The following UBE3B variants were observed in gnomAD, a reference collection of about 807,000 sequenced individuals.
UBE3B encodes ubiquitin protein ligase E3B, also known as ubiquitin-protein ligase E3B.
UBE3B carries 80 observed loss-of-function variants against 132.3 expected under a neutral mutation model. The observed-to-expected ratio is 0.60, with a 90% CI of 0.50 to 0.73. UBE3B has a LOEUF of 0.73. Among genes scored for constraint, UBE3B ranks in the 30% least tolerant of loss-of-function variants. The pLI is 0.00. For missense variants in UBE3B, 1,196 were observed against 1,362.5 expected (o/e 0.88, Z 1.92); for synonymous variants, 487 against 520.4 (o/e 0.94, Z 0.87).
chr12:109,489,921 G>A lies in UBE3B; in HGVS notation c.547G>A (p.Glu183Lys). 9.3e-6 allele frequency: 15 copies of A among 1,614,080 alleles called. No individual in the cohort carries two copies. Among genetic ancestry groups the A allele is most frequent in the Non-Finnish European group, 1.3e-5 (15 of 1,179,968 alleles). Residue 183 changes from glutamate (E) to lysine (K), a missense_variant and splice_region_variant, in exon 8 of 28, where the codon GAA becomes AAA. Transcript: ENST00000342494. The stretch of plus-strand genomic sequence containing the variant: ...TTCTCACTGTTTTCTTTCTTTAGGT[G>A]AAAGTCTTCGACCAGCGATGAACCA... ...STWKILRGKG[E>K]SLRPAMNHIC...
At chr12:109,541,438 A>G (rs1030066), downstream of UBE3B, among the ~76,000 whole-genome samples, 13,155 of 152,228 alleles carry the variant, frequency 0.086, 1,337 homozygotes, top group African/African-American at 0.24. Flanking sequence ...GTAGTGAATA[A>G]CAGTTCCTGC....
rs1398512382 is a variant in UBE3B, at chr12:109,521,385, G to A, written c.2254-56G>A. 1.3e-6 allele frequency: 2 copies of A among 1,599,530 alleles called. No homozygotes were observed. The highest frequency in any genetic ancestry group is 1.7e-6 in the Non-Finnish European group (2 of 1,168,824). ...CCAGATTCAAGAAGTGAAGAGCTGG[G>A]CTTGCTCCTTGCAAGGCACTTGACC... On this transcript the variant is annotated intron_variant, in intron 20 of 27. Transcript: ENST00000342494. The surrounding 1 kb of genome is among the most constrained non-coding windows in gnomAD (Gnocchi z 4.2).
intron 27 of UBE3B, chr12:109,533,799 GGGTACC>G (rs967650568): frequency 6.8e-6 from 6 of 887,738 alleles, no homozygotes; most frequent in Non-Finnish European, 1.1e-5. Flanking sequence ...CCTCAGGGAA[GGGTACC>G]TGGAGTGGGG....
At position 109,488,508 on chromosome 12, in the gene UBE3B, G is replaced by T; in HGVS notation, c.448-64G>T. On this transcript the variant is annotated intron_variant, in intron 6 of 27. Transcript: ENST00000342494. ...AGTGCCCATAGAGCAGTTGTAAAGT[G>T]AACACTTCACTGTCTGGAATCAGAA... 2.1e-6 allele frequency: 3 copies of T among 1,456,838 alleles called. No individual in the cohort carries two copies. In the South Asian group the frequency reaches 3.4e-5, roughly 17 times the overall value. The allele number at this position is 1,456,838 out of a possible 1,614,324, so 90.2% of individuals were successfully genotyped here. A position where few individuals can be genotyped will look rare whatever the true frequency, so the allele number is the denominator to read the frequency against.
intron 8 of UBE3B, chr12:109,490,531 T>G: frequency 6.5e-7 from 1 of 1,536,078 alleles, no homozygotes; most frequent in Non-Finnish European, 8.7e-7. Context: ...CATATGCTCC[T>G]CACAACAACC....
intron 13 of UBE3B, among the ~76,000 whole-genome samples, chr12:109,502,470 G>A (rs968264955): frequency 2.0e-5 from 3 of 152,226 alleles, no homozygotes; most frequent in Non-Finnish European, 2.9e-5. Context: ...TTCAGGTTCA[G>A]GGTGTCTGTT....
chr12:109,538,950 GCATGGCCAGGCTCGGTAGCT>G (rs548660432), downstream of UBE3B, among the ~76,000 whole-genome samples: 14 of 152,284 alleles, frequency 9.2e-5, no homozygotes, highest in East Asian at 2.5e-3. This position sits in a 1 kb window ranked among gnomAD's most constrained non-coding sequence, Gnocchi z 4.1. Context: ...AGAAGAAGCT[GCATGGCCAGGCTCGGTAGCT>G]CATGCCTGTA....
At position 109,486,580 on chromosome 12, in the gene UBE3B, C is replaced by CAAAAAAAAAAAAAA. The variant is rs201336062; in HGVS notation, c.447+15_447+28dup. ...GATTTTCTCAAGCAGCTCAAGGTAA[C>CAAAAAAAAAAAAAA]AAAAAAAAAAAAAAAAAAAAAAAGC... is the stretch of plus-strand genomic sequence containing the variant. On this transcript the variant is annotated splice_donor_region_variant and intron_variant, in intron 6 of 27. Coordinates refer to ENST00000342494, the MANE Select transcript of UBE3B (RefSeq NM_130466.4). 5.5e-5 allele frequency: 31 copies of CAAAAAAAAAAAAAA among 562,734 alleles called. No homozygotes were observed. The highest frequency in any genetic ancestry group is 1.9e-4 in the Admixed American group (4 of 20,860). 34.9% of individuals were successfully genotyped at this position (562,734 alleles called of 1,614,324 possible).
At chr12:109,482,037 T>C (rs1875543926) in intron 2 of UBE3B, among the ~76,000 whole-genome samples, 1 of 151,856 alleles carries the variant, frequency 6.6e-6, no homozygotes, top group East Asian at 1.9e-4. Context: ...TTGCACCAAC[T>C]TTTTTTTGGT....
intron 27 of UBE3B, 199 bp downstream of exon 27, chr12:109,533,757 G>T: frequency 1.2e-6 from 1 of 826,602 alleles, no homozygotes; most frequent in South Asian, 1.4e-5. Context: ...CACGGACTCA[G>T]CCCTCTCTCG....
chr12:109,486,120 C>T, intron 5 of UBE3B, 49 bp downstream of exon 5: 3 of 1,535,956 alleles, frequency 2.0e-6, no homozygotes, highest in Non-Finnish European at 2.6e-6. Flanking sequence ...TAAGGGCCAA[C>T]CTACTGGGCT....
rs1373942603 is a variant in UBE3B, at chr12:109,503,161, T to C, written c.1421T>C (p.Leu474Pro). ...CTCTACCAGACCTCGCTGACAACTC[T>C]CACACAGATTCGGCTGCAGATACTC... ...CVLYQTSLTT[L>P]TQIRLQILTG... Residue 474 changes from leucine to proline, a missense_variant, in exon 14 of 28, where the codon CTC becomes CCC. Leu to Pro is a moderately conservative substitution (Grantham distance 98, BLOSUM62 -3). Coordinates refer to ENST00000342494, the MANE Select transcript of UBE3B (RefSeq NM_130466.4). 2 of 1,614,202 alleles carry C rather than the reference T, an allele frequency of 1.2e-6. No individual in the cohort carries two copies. The highest frequency in any genetic ancestry group is 2.2e-5 in the South Asian group (2 of 91,086).
chr12:109,509,944 G>T (rs975282276), intron 16 of UBE3B, among the ~76,000 whole-genome samples: 1 of 152,212 alleles, frequency 6.6e-6, no homozygotes, highest in African/African-American at 2.4e-5. Flanking sequence ...TTGCATGTAT[G>T]TGTCGAGGAT....
intron 18 of UBE3B, among the ~76,000 whole-genome samples, chr12:109,513,159 GT>G (rs1407976183): frequency 3.3e-5 from 5 of 152,234 alleles, no homozygotes; most frequent in African/African-American, 1.2e-4. Context: ...GCCTCATCTG[GT>G]TTGGTGGTGT....
chr12:109,527,268 T>C (rs1403541828), intron 24 of UBE3B, among the ~76,000 whole-genome samples: 1 of 152,216 alleles, frequency 6.6e-6, no homozygotes, highest in Non-Finnish European at 1.5e-5. Flanking sequence ...TTTTGGTCCC[T>C]AGAAGCAAAA....
At chr12:109,505,253 T>G (rs751799891) in intron 14 of UBE3B, among the ~76,000 whole-genome samples, 36 of 152,360 alleles carry the variant, frequency 2.4e-4, no homozygotes, top group Admixed American at 6.5e-4. Flanking sequence ...ACTGACAACT[T>G]AGGAAGTGTC....
intron 11 of UBE3B, 69 bp downstream of exon 11, chr12:109,498,422 ACTATT>A: frequency 6.4e-7 from 1 of 1,551,444 alleles, no homozygotes; most frequent in Non-Finnish European, 8.7e-7. Flanking sequence ...TTTGCCTGTC[ACTATT>A]CTAGAGATTT....
In UBE3B at chr12:109,511,315, T is replaced by C. The variant is rs1880343862; in HGVS notation, c.1956+12T>C. On this transcript the variant is annotated intron_variant, in intron 18 of 27. Coordinates refer to ENST00000342494, the MANE Select transcript of UBE3B (RefSeq NM_130466.4). ...TCCCTCACAAAAACGTGAGTTGCAC[T>C]CAGAGCTGGGCCCCGATGTGTCTTT... The C allele has an allele frequency of 1.2e-6, 2 of 1,613,044 alleles. No individual in the cohort carries two copies. The highest frequency in any genetic ancestry group is 1.3e-5 in the African/African-American group (1 of 74,920).
At chr12:109,530,325 G>A (rs978032921) in intron 25 of UBE3B, among the ~76,000 whole-genome samples, 20 of 152,184 alleles carry the variant, frequency 1.3e-4, no homozygotes, top group Non-Finnish European at 2.6e-4. Context: ...TCTGGGGCTG[G>A]CCTCTGCTTG....
Sources: allele counts gnomAD v4.1 joint callset (sites outside exome capture counted in the v4.1 genomes callset), GRCh38; gene constraint gnomAD v4.1.1; non-coding constraint Gnocchi (gnomAD v3.1); transcripts MANE v1.5; gene names NCBI Gene and HGNC (gene_info 2026-07-23, HGNC 2026-07-21).